Variants in GRM1 observed in about 807,000 individuals in gnomAD.
GRM1 encodes the protein glutamate metabotropic receptor 1, also known as metabotropic glutamate receptor 1.
In GRM1, 33 loss-of-function variants were observed where a neutral mutation model predicts 90.9. That is an observed-to-expected ratio of 0.36 (90% confidence interval 0.28 to 0.49). The LOEUF is 0.49. Ranked by LOEUF, GRM1 falls within the 20% of genes least tolerant of loss-of-function variation. The pLI, the probability that GRM1 is intolerant of heterozygous loss-of-function variation, is 0.99. For synonymous variants in GRM1, 700 were observed against 613.2 expected (o/e 1.14, Z -2.09); for missense variants, 1,190 against 1,534.3 (o/e 0.78, Z 3.75).
chr6:146,130,593 A>G (rs141909285), intron 1 of GRM1, among the ~76,000 whole-genome samples: 67 of 152,276 alleles, frequency 4.4e-4, no homozygotes, highest in African/African-American at 1.0e-3. Flanking sequence ...ACCGTTTACT[A>G]TATTTTATTA....
intron 5 of GRM1, among the ~76,000 whole-genome samples, chr6:146,380,347 C>G (rs766410144): frequency 6.7e-6 from 1 of 148,672 alleles, no homozygotes; most frequent in African/African-American, 2.5e-5. Flanking sequence ...ACACTTTCCC[C>G]CTTTCCAAAG....
chr6:146,179,819 A>T (rs1778478546), intron 2 of GRM1, among the ~76,000 whole-genome samples: 1 of 151,806 alleles, frequency 6.6e-6, no homozygotes, highest in Non-Finnish European at 1.5e-5. Flanking sequence ...CCAGCCCAGA[A>T]CTCAGAACCT....
chr6:146,140,005 C>T (rs1448623140), intron 1 of GRM1, among the ~76,000 whole-genome samples: 2 of 136,850 alleles, frequency 1.5e-5, no homozygotes, highest in East Asian at 2.3e-4. Context: ...CGCTTCCCTC[C>T]CCTCCCCTCA....
At position 146,283,888 on chromosome 6, in the gene GRM1, C is replaced by T. The variant is rs79590903; in HGVS notation, c.951-20723C>T. Among the ~76,000 whole-genome samples the T allele has an allele frequency of 6.8e-3, 1,033 of 152,264 alleles. 6 individuals are homozygous for T. Among genetic ancestry groups the T allele is most frequent in the Non-Finnish European group, 7.1e-3 (482 of 68,024 alleles). ...TGGCCTACTACTCATGTATAACTCA[C>T]GTATGATAGATAATACAGAAACAGT... On this transcript the variant is annotated intron_variant, in intron 2 of 7. Coordinates refer to ENST00000282753, the MANE Select transcript of GRM1 (RefSeq NM_001278064.2).
At chr6:146,192,805 A>G (rs1452198970) in intron 2 of GRM1, among the ~76,000 whole-genome samples, 3 of 152,346 alleles carry the variant, frequency 2.0e-5, no homozygotes, top group Admixed American at 1.3e-4. Context: ...TTTTAGTTAT[A>G]CATATGGTCT....
rs564922158 is a variant in GRM1 at position 146,319,190 on chromosome 6, T to A, written c.1186+14344T>A. Among the ~76,000 whole-genome samples the A allele has an allele frequency of 2.7e-5, 4 of 150,690 alleles. No homozygotes were observed. The South Asian group carries it at 8.3e-4, about 31-fold the overall frequency. ...TTTTGTATAAGGTGTAAGGAAGGGG[T>A]CCAGTTTTCCCAACACAATTTATTA... On this transcript the variant is annotated intron_variant, in intron 3 of 7. Coordinates refer to ENST00000282753, the MANE Select transcript of GRM1 (RefSeq NM_001278064.2).
chr6:146,041,474 G>C (rs781574365), intron 1 of GRM1, among the ~76,000 whole-genome samples: 23 of 151,902 alleles, frequency 1.5e-4, no homozygotes, highest in Admixed American at 2.6e-4. Context: ...GGCACTAGAT[G>C]GTGCCCTAGG....
At chr6:146,098,530 G>C (rs1776944837) in intron 1 of GRM1, among the ~76,000 whole-genome samples, 1 of 152,064 alleles carries the variant, frequency 6.6e-6, no homozygotes, top group South Asian at 2.1e-4. Context: ...TTTTGCGTTA[G>C]ATGTATAACT....
rs117496037 is a variant in GRM1 at position 146,163,038 on chromosome 6, A to T, written c.950+3441A>T. 4.4e-3 allele frequency among the ~76,000 whole-genome samples: 669 copies of T among 152,250 alleles called. 3 individuals are homozygous for T. The highest frequency in any genetic ancestry group is 7.9e-3 in the Non-Finnish European group (538 of 67,996). ...ATCTAAGATCAGTAGGGATGTATTT[A>T]TAGACTTATCTAATATTATTCATTA... is the stretch of plus-strand genomic sequence containing the variant. On this transcript the variant is annotated intron_variant, in intron 2 of 7. Coordinates refer to ENST00000282753, the MANE Select transcript of GRM1 (RefSeq NM_001278064.2).
At chr6:146,211,005 A>C (rs1323637264) in intron 2 of GRM1, among the ~76,000 whole-genome samples, 1 of 152,104 alleles carries the variant, frequency 6.6e-6, no homozygotes, top group African/African-American at 2.4e-5. Context: ...CCCTTTCGGA[A>C]AAAAACTTCT....
intron 1 of GRM1, among the ~76,000 whole-genome samples, chr6:146,151,251 T>A (rs1480745369): frequency 6.6e-6 from 1 of 152,190 alleles, no homozygotes; most frequent in African/African-American, 2.4e-5. Flanking sequence ...AACCATTTAT[T>A]TTTTAGTGAA....
At chr6:146,291,694 A>G (rs536892988) in intron 2 of GRM1, among the ~76,000 whole-genome samples, 2 of 151,992 alleles carry the variant, frequency 1.3e-5, no homozygotes, top group Non-Finnish European at 2.9e-5. Context: ...AATATTCAAT[A>G]TTTGTGGATT....
intron 1 of GRM1, among the ~76,000 whole-genome samples, chr6:146,116,042 C>CT (rs1293926930): frequency 6.6e-6 from 1 of 152,178 alleles, no homozygotes; most frequent in Non-Finnish European, 1.5e-5. Context: ...CCTCTGCCTC[C>CT]TGGGCTCAAG....
intron 2 of GRM1, among the ~76,000 whole-genome samples, chr6:146,242,962 A>G (rs1780922089): frequency 6.6e-6 from 1 of 152,152 alleles, no homozygotes; most frequent in African/African-American, 2.4e-5. Context: ...TGTGTTATTT[A>G]GGTTAAGCTA....
intron 3 of GRM1, among the ~76,000 whole-genome samples, chr6:146,310,804 C>T (rs1451897621): frequency 6.6e-6 from 1 of 152,168 alleles, no homozygotes; most frequent in South Asian, 2.1e-4. Context: ...CCTAGATCAG[C>T]CAGTCCCTGG....
At chr6:146,117,163 T>G (rs896777133) in intron 1 of GRM1, among the ~76,000 whole-genome samples, 3 of 151,314 alleles carry the variant, frequency 2.0e-5, no homozygotes, top group African/African-American at 7.2e-5. Context: ...TATTTATTTT[T>G]TTTTTAGTTT....
At chr6:146,150,599 A>G (rs1304779712) in intron 1 of GRM1, among the ~76,000 whole-genome samples, 1 of 152,130 alleles carries the variant, frequency 6.6e-6, no homozygotes, top group African/African-American at 2.4e-5. Flanking sequence ...TTTAAAATAT[A>G]CAATAATTTT....
intron 2 of GRM1, among the ~76,000 whole-genome samples, chr6:146,297,224 G>A (rs890713270): frequency 6.6e-5 from 10 of 151,294 alleles, no homozygotes; most frequent in East Asian, 5.8e-4. Flanking sequence ...ACAGTGGCGC[G>A]ATCTCAGCTC....
intron 1 of GRM1, among the ~76,000 whole-genome samples, chr6:146,107,402 C>T (rs773170136): frequency 8.6e-5 from 13 of 150,818 alleles, no homozygotes; most frequent in Non-Finnish European, 1.9e-4. Context: ...GACTTACTTA[C>T]AACGCTTTCA....
Sources: gnomAD v4.1 joint callset for allele counts (sites outside exome capture counted in the v4.1 genomes callset) on GRCh38, gnomAD v4.1.1 for gene constraint, MANE v1.5 for transcripts, NCBI Gene and HGNC (gene_info 2026-07-23, HGNC 2026-07-21) for gene names.